DISP1: variants seen among roughly 807,000 people sequenced by gnomAD.
The protein encoded by DISP1 is protein dispatched homolog 1.
A neutral mutation model predicts 37.3 loss-of-function variants in DISP1; 30 were observed. That is an observed-to-expected ratio of 0.80 (90% CI 0.60 to 1.09). The LOEUF (loss-of-function observed/expected upper bound fraction) is 1.09. Among genes scored for constraint, DISP1 ranks in the 50% least tolerant of loss-of-function variants. The pLI is 0.00. For missense variants in DISP1, 1,598 were observed against 1,879.5 expected, an observed-to-expected ratio of 0.85 and a Z score of 2.77; for synonymous variants, 634 against 690.2, an observed-to-expected ratio of 0.92 and a Z score of 1.28.
chr1:222,903,240 T>C (rs1373173425), intron 1 of DISP1, among the ~76,000 whole-genome samples: 4 of 139,372 alleles, frequency 2.9e-5, no homozygotes, highest in Non-Finnish European at 4.5e-5. Flanking sequence ...TAGGTGGGAA[T>C]TGAACAACGA....
At chr1:222,816,117 GT>G (rs1468117789) in intron 1 of DISP1, among the ~76,000 whole-genome samples, 1 of 148,876 alleles carries the variant, frequency 6.7e-6, no homozygotes, top group African/African-American at 2.5e-5. Flanking sequence ...ATTTGCCATT[GT>G]CAGTGTTTTT....
At chr1:222,855,114 GCTT>G (rs1558294683) in intron 1 of DISP1, among the ~76,000 whole-genome samples, 1 of 152,120 alleles carries the variant, frequency 6.6e-6, no homozygotes. Flanking sequence ...ATTAGCTTTT[GCTT>G]CTTTGTCATA....
At chr1:222,890,438 T>G (rs1489648021) in intron 1 of DISP1, among the ~76,000 whole-genome samples, 1 of 152,056 alleles carries the variant, frequency 6.6e-6, no homozygotes, top group Non-Finnish European at 1.5e-5. Flanking sequence ...TACAGACTAG[T>G]AGAGGAGATA....
At chr1:222,881,147 C>T (rs1020995875) in intron 1 of DISP1, among the ~76,000 whole-genome samples, 8 of 152,100 alleles carry the variant, frequency 5.3e-5, no homozygotes, top group Non-Finnish European at 1.2e-4. Flanking sequence ...GACAGGCCTA[C>T]TATATATCTC....
At chr1:222,947,853 C>T (rs80290720) in intron 3 of DISP1, among the ~76,000 whole-genome samples, 14,475 of 151,800 alleles carry the variant, frequency 0.095, 729 homozygotes, top group South Asian at 0.18. Context: ...GGGTCAGGAC[C>T]GTTGTAGATA....
chr1:222,848,212 G>T (rs980918729), intron 1 of DISP1, among the ~76,000 whole-genome samples: 1 of 151,778 alleles, frequency 6.6e-6, no homozygotes, highest in Non-Finnish European at 1.5e-5. Context: ...TTATCTGTTT[G>T]TTTTTTAAAT....
intron 1 of DISP1, among the ~76,000 whole-genome samples, chr1:222,815,941 T>C (rs1342005726): frequency 6.6e-6 from 1 of 152,170 alleles, no homozygotes; most frequent in Non-Finnish European, 1.5e-5. Context: ...TTCTAACACA[T>C]TTTTTCTAAA....
chr1:222,965,660 C>A (rs1040417737), intron 3 of DISP1, among the ~76,000 whole-genome samples: 3 of 152,086 alleles, frequency 2.0e-5, no homozygotes, highest in African/African-American at 7.2e-5. Context: ...ATTAACAGAG[C>A]CTCTTCTTTC....
intron 1 of DISP1, among the ~76,000 whole-genome samples, chr1:222,821,392 A>G (rs944440565): frequency 1.1e-4 from 17 of 152,240 alleles, no homozygotes; most frequent in African/African-American, 3.6e-4. Flanking sequence ...GGGATGATGC[A>G]TCATAAGATA....
chr1:222,880,021 GTATTACCA>G (rs1670191397), intron 1 of DISP1, among the ~76,000 whole-genome samples: 2 of 151,920 alleles, frequency 1.3e-5, no homozygotes, highest in African/African-American at 4.8e-5. Flanking sequence ...TGCATCAAAG[GTATTACCA>G]TTCATGATAA....
At chr1:222,871,420 T>A (rs1669565351) in intron 1 of DISP1, among the ~76,000 whole-genome samples, 1 of 152,322 alleles carries the variant, frequency 6.6e-6, no homozygotes, top group African/African-American at 2.4e-5. Flanking sequence ...TTCCTACCCA[T>A]GAGCATGGAA....
intron 1 of DISP1, among the ~76,000 whole-genome samples, chr1:222,870,667 T>C (rs1669502513): frequency 6.6e-6 from 1 of 152,170 alleles, no homozygotes; most frequent in Admixed American, 6.5e-5. Context: ...TTTGTTTGAG[T>C]TCATTGTAGA....
At chr1:222,901,630 C>T (rs1402304386) in intron 1 of DISP1, among the ~76,000 whole-genome samples, 2 of 152,118 alleles carry the variant, frequency 1.3e-5, no homozygotes, top group African/African-American at 2.4e-5. Context: ...CGGATTCAAG[C>T]GGTTCTCCTG....
At chr1:222,874,839 T>G (rs1669867347) in intron 1 of DISP1, among the ~76,000 whole-genome samples, 1 of 152,156 alleles carries the variant, frequency 6.6e-6, no homozygotes, top group Non-Finnish European at 1.5e-5. Flanking sequence ...GGCGCTCTGA[T>G]TTTTAGAGTT....
chr1:222,938,736 A>T (rs1195261803), intron 2 of DISP1, among the ~76,000 whole-genome samples: 29 of 60,262 alleles, frequency 4.8e-4, no homozygotes, highest in African/African-American at 1.7e-3. Flanking sequence ...CTGTCTTTAA[A>T]AAAAAAAAAA....
At chr1:222,889,433 T>C (rs567761064) in intron 1 of DISP1, among the ~76,000 whole-genome samples, 1 of 152,154 alleles carries the variant, frequency 6.6e-6, no homozygotes, top group South Asian at 2.1e-4. Context: ...TCAAGAGATT[T>C]TCTGATTAAA....
At chr1:222,957,106 C>A (rs1675655512) in intron 3 of DISP1, among the ~76,000 whole-genome samples, 1 of 130,782 alleles carries the variant, frequency 7.6e-6, no homozygotes, top group Non-Finnish European at 1.6e-5. Context: ...TCATCCTTTT[C>A]AGATTTCTAA....
intron 3 of DISP1, among the ~76,000 whole-genome samples, chr1:222,974,496 G>A (rs1677175955): frequency 6.6e-6 from 1 of 152,102 alleles, no homozygotes; most frequent in Admixed American, 6.6e-5. Context: ...TTTACAAGGT[G>A]CTCTTTAAAT....
chr1:222,983,119 T>A lies in DISP1; in HGVS notation c.539+10T>A, dbSNP rs768946522. The A allele has an allele frequency of 6.3e-7, 1 of 1,592,450 alleles. No individual in the cohort carries two copies. Among genetic ancestry groups the A allele is most frequent in the Middle Eastern group, 1.7e-4 (1 of 6,022 alleles). On this transcript the variant is annotated intron_variant, in intron 4 of 8. Coordinates refer to ENST00000675850, the MANE Select transcript of DISP1 (RefSeq NM_001377229.1). The stretch of plus-strand genomic sequence containing the variant: ...TCAAGTTGCCAAAAAGGTAAAGTAA[T>A]CTGGGTCATCTTATTAAATAATAAA...
Sources: allele counts gnomAD v4.1 joint callset (sites outside exome capture counted in the v4.1 genomes callset), GRCh38; gene constraint gnomAD v4.1.1; transcripts MANE v1.5; gene names NCBI Gene and HGNC (gene_info 2026-07-23, HGNC 2026-07-21).